CTNNA2: variants seen among roughly 807,000 people sequenced by gnomAD.
CTNNA2 encodes the protein catenin alpha-2.
CTNNA2 carries 42 observed loss-of-function variants against 101.0 expected under a neutral mutation model. The ratio of observed to expected loss-of-function variants is 0.42; its 90% CI spans 0.32 to 0.54. CTNNA2 has a LOEUF of 0.54. CTNNA2 is among the 20% of genes least tolerant of loss of function. The pLI, the probability that CTNNA2 is intolerant of heterozygous loss-of-function variation, is 0.14. For synonymous variants in CTNNA2, 450 were observed against 456.4 expected, an observed-to-expected ratio of 0.99 and a Z score of 0.18; for missense variants, 871 against 1,223.1, an observed-to-expected ratio of 0.71 and a Z score of 4.29.
chr2:80,065,295 C>T (rs952076499), intron 7 of CTNNA2, among the ~76,000 whole-genome samples: 4 of 151,776 alleles, frequency 2.6e-5, no homozygotes, highest in South Asian at 4.2e-4. Context: ...TGGCAGAAGT[C>T]GATATACCTA....
At chr2:79,374,745 T>C (rs1236477182) in intron 4 of CTNNA2, among the ~76,000 whole-genome samples, 1 of 131,268 alleles carries the variant, frequency 7.6e-6, no homozygotes, top group Non-Finnish European at 1.6e-5. Flanking sequence ...TTGATTGCAC[T>C]ACAAATGTTA....
intron 12 of CTNNA2, among the ~76,000 whole-genome samples, chr2:80,562,458 T>C (rs1478226378): frequency 6.6e-6 from 1 of 152,206 alleles, no homozygotes; most frequent in Non-Finnish European, 1.5e-5. Flanking sequence ...CCAAAAGTTC[T>C]ATAATATATA....
At chr2:80,314,524 A>G (rs1454357694) in intron 7 of CTNNA2, among the ~76,000 whole-genome samples, 7 of 152,148 alleles carry the variant, frequency 4.6e-5, no homozygotes, top group Admixed American at 4.6e-4. Flanking sequence ...TGGCCATGGG[A>G]CTGTCATTAT....
rs77252096 is a variant in CTNNA2, at chr2:79,866,087, T to C, written c.466-3729T>C. 4.2e-3 allele frequency among the ~76,000 whole-genome samples: 638 copies of C among 152,300 alleles called. 9 individuals carry two copies. The highest frequency in any genetic ancestry group is 0.015 in the African/African-American group (612 of 41,562). On this transcript the variant is annotated intron_variant, in intron 4 of 18. Transcript: ENST00000402739. ...AAATTAGACACTGATTTAATGACTA[T>C]CTCAAACAATATGACACAGTTCTAG...
intron 9 of CTNNA2, among the ~76,000 whole-genome samples, chr2:80,542,622 G>T (rs1350393511): frequency 6.6e-6 from 1 of 151,696 alleles, no homozygotes; most frequent in Non-Finnish European, 1.5e-5. Flanking sequence ...CCTGATTCTT[G>T]GGGCATTTTT....
At chr2:79,464,599 A>T (rs566264386) in intron 4 of CTNNA2, among the ~76,000 whole-genome samples, 6 of 152,306 alleles carry the variant, frequency 3.9e-5, no homozygotes, top group Non-Finnish European at 2.9e-5. Context: ...CAGTCCCACC[A>T]ACAGTGTAAA....
rs1391447407 is a variant in CTNNA2 at position 79,431,128 on chromosome 2, G to A, written c.-135+57115G>A. 3.9e-5 allele frequency among the ~76,000 whole-genome samples: 6 copies of A among 151,976 alleles called. No homozygotes were observed. In the East Asian group the frequency reaches 1.2e-3, roughly 29 times the overall value. ...GAGTGGACTGAGCCTCTTTAAAGCTGGACTTTGAGGAGTTCAGATGACCAG... is the reference window on the plus strand; with the variant it reads ...GAGTGGACTGAGCCTCTTTAAAGCTAGACTTTGAGGAGTTCAGATGACCAG... On this transcript the variant is annotated intron_variant, in intron 4 of 21. Coordinates refer to the CTNNA2 transcript ENST00000466387.
intron 9 of CTNNA2, among the ~76,000 whole-genome samples, chr2:80,460,564 C>G (rs572433681): frequency 6.6e-6 from 1 of 152,190 alleles, no homozygotes; most frequent in African/African-American, 2.4e-5. Flanking sequence ...TTCTTTCCCT[C>G]CCTATCACAC....
At chr2:80,157,709 C>T (rs1193981753) in intron 7 of CTNNA2, among the ~76,000 whole-genome samples, 1 of 151,994 alleles carries the variant, frequency 6.6e-6, no homozygotes, top group Non-Finnish European at 1.5e-5. Flanking sequence ...AATGCAACCA[C>T]AGAGAAAAAA....
chr2:80,364,359 A>G (rs573797993), intron 7 of CTNNA2, among the ~76,000 whole-genome samples: 30 of 152,208 alleles, frequency 2.0e-4, no homozygotes, highest in African/African-American at 7.0e-4. Flanking sequence ...CCTCTGTAAC[A>G]AGATGTTCTT....
chr2:80,425,161 C>T (rs1413286766), intron 9 of CTNNA2, among the ~76,000 whole-genome samples: 5 of 152,138 alleles, frequency 3.3e-5, no homozygotes, highest in African/African-American at 1.2e-4. Context: ...TAAGTTTTGA[C>T]ATCTTTGGCA....
At chr2:79,323,167 T>G (rs1188469439) in intron 3 of CTNNA2, among the ~76,000 whole-genome samples, 1 of 152,214 alleles carries the variant, frequency 6.6e-6, no homozygotes, top group Admixed American at 6.5e-5. Context: ...GAGCAGGATC[T>G]AACATCAGCC....
intron 7 of CTNNA2, among the ~76,000 whole-genome samples, chr2:80,256,176 G>A (rs556331020): frequency 1.4e-3 from 213 of 151,936 alleles, no homozygotes; most frequent in Non-Finnish European, 2.5e-3. Context: ...TCAGAAACCC[G>A]TTAAAAGGCA....
chr2:79,856,467 A>G (rs1448842430), intron 3 of CTNNA2, among the ~76,000 whole-genome samples: 1 of 152,202 alleles, frequency 6.6e-6, no homozygotes, highest in Non-Finnish European at 1.5e-5. Context: ...AATCATTACT[A>G]CAAAAATTGA....
chr2:79,996,761 G>C (rs985743073), intron 7 of CTNNA2, among the ~76,000 whole-genome samples: 13 of 151,880 alleles, frequency 8.6e-5, no homozygotes, highest in African/African-American at 3.1e-4. Flanking sequence ...TCAGGCCCTG[G>C]AACGTGGTGA....
intron 12 of CTNNA2, among the ~76,000 whole-genome samples, chr2:80,571,568 GTA>G (rs1181358685): frequency 6.8e-6 from 1 of 147,160 alleles, no homozygotes; most frequent in Non-Finnish European, 1.5e-5. Context: ...ATGTACAAAT[GTA>G]TATGTTTAAA....
At chr2:80,536,686 A>G (rs1196100821) in intron 9 of CTNNA2, among the ~76,000 whole-genome samples, 1 of 152,212 alleles carries the variant, frequency 6.6e-6, no homozygotes, top group Non-Finnish European at 1.5e-5. Context: ...TAAATACTTT[A>G]TTAGCAGAGG....
Position 80,534,834 on chromosome 2 carries a change from C to T in CTNNA2, c.1291-10148C>T, listed in dbSNP as rs183675913. On this transcript the variant is annotated intron_variant, in intron 9 of 18. Coordinates refer to ENST00000402739, the MANE Select transcript of CTNNA2 (RefSeq NM_001282597.3). Reference sequence around the variant, plus strand: ...TTTCCTGATGCAGAAATTTCACTTCCGACAGGAGCAAAAACTAGATGCCTA... The same window carrying T: ...TTTCCTGATGCAGAAATTTCACTTCTGACAGGAGCAAAAACTAGATGCCTA... 1.2e-3 allele frequency among the ~76,000 whole-genome samples: 187 copies of T among 152,068 alleles called. 1 individual carries two copies. Among genetic ancestry groups the T allele is most frequent in the Middle Eastern group, 3.4e-3 (1 of 294 alleles).
intron 4 of CTNNA2, among the ~76,000 whole-genome samples, chr2:79,411,710 C>T (rs1005504481): frequency 2.6e-5 from 4 of 152,056 alleles, no homozygotes; most frequent in Non-Finnish European, 4.4e-5. Flanking sequence ...GATTTTGTCA[C>T]CACCAGGCCT....
Sources: allele counts gnomAD v4.1 joint callset (sites outside exome capture counted in the v4.1 genomes callset), GRCh38; gene constraint gnomAD v4.1.1; transcripts MANE v1.5; gene names NCBI Gene and HGNC (gene_info 2026-07-23, HGNC 2026-07-21).